Variants in GSTCD observed in about 807,000 individuals in gnomAD.
GSTCD encodes the protein glutathione S-transferase C-terminal domain containing.
Under a neutral mutation model 68.3 loss-of-function variants are expected in GSTCD, and 44 were observed. The observed-to-expected ratio is 0.64, with a 90% confidence interval of 0.51 to 0.83. The LOEUF is 0.83. GSTCD is among the 40% of genes least tolerant of loss of function. The pLI, the probability that GSTCD is intolerant of heterozygous loss-of-function variation, is 0.00. For missense variants in GSTCD, 739 were observed against 735.9 expected (o/e 1.00, Z -0.05); for synonymous variants, 273 against 255.2 (o/e 1.07, Z -0.67).
Position 105,717,807 on chromosome 4 carries a change from A to T in GSTCD, c.194A>T (p.Asp65Val), listed in dbSNP as rs1386104202. 1 of 1,614,018 alleles carries T rather than the reference A, an allele frequency of 6.2e-7. No homozygotes were observed. The highest frequency in any genetic ancestry group is 8.5e-7 in the Non-Finnish European group (1 of 1,179,888). The change falls in exon 2 of 12, where the codon GAT becomes GTT. Residue 65 changes from aspartate to valine, a missense_variant. By Grantham distance (152) the Asp-to-Val change is radical. Coordinates refer to ENST00000515279, the MANE Select transcript of GSTCD (RefSeq NM_001370181.1). ...AGTAGAGATAGTTCACTACTAAGAG[A>T]TGACCTGATCCAGGATGTTGAAATA... The part of the protein sequence containing the change: ...EVSRDSSLLR[D>V]DLIQDVEIQI...
intron 3 of GSTCD, among the ~76,000 whole-genome samples, chr4:105,724,731 A>C (rs887977547): frequency 6.6e-6 from 1 of 151,984 alleles, no homozygotes; most frequent in Non-Finnish European, 1.5e-5. Context: ...AAAATACATC[A>C]ATGATTGCAG....
intron 10 of GSTCD, among the ~76,000 whole-genome samples, chr4:105,839,070 C>G (rs1199763015): frequency 1.3e-5 from 2 of 152,172 alleles, no homozygotes; most frequent in African/African-American, 4.8e-5. Context: ...TCTCTTACCA[C>G]CTTATGTGCT....
At chr4:105,815,053 A>T (rs939789614) in intron 5 of GSTCD, 9 of 152,056 alleles carry the variant, frequency 5.9e-5, no homozygotes, top group African/African-American at 1.7e-4. Context: ...GCCCTAATAG[A>T]TGCTATTCAA....
intron 5 of GSTCD, among the ~76,000 whole-genome samples, chr4:105,785,901 A>G (rs1284331117): frequency 6.6e-6 from 1 of 152,218 alleles, no homozygotes; most frequent in African/African-American, 2.4e-5. Flanking sequence ...AAGTTTACCA[A>G]TATTGCAGAA....
At chr4:105,798,941 G>C (rs537400539) in intron 5 of GSTCD, among the ~76,000 whole-genome samples, 1 of 152,300 alleles carries the variant, frequency 6.6e-6, no homozygotes, top group Admixed American at 6.5e-5. Flanking sequence ...TTCTGATAGA[G>C]GGCTAGTTTA....
Position 105,734,359 on chromosome 4 carries a change from C to G in GSTCD, c.1240+4860C>G, listed in dbSNP as rs531354862. On this transcript the variant is annotated intron_variant, in intron 5 of 11. Transcript: ENST00000515279. ...TGGATTTGGTCTTTTCACATAGTCC[C>G]ATATTTCTTGGAGGCTTTGTTCATT... Among the ~76,000 whole-genome samples the G allele has an allele frequency of 3.3e-5, 5 of 152,312 alleles. No individual in the cohort carries two copies. The South Asian group carries it at 6.2e-4, about 19-fold the overall frequency.
intron 5 of GSTCD, among the ~76,000 whole-genome samples, chr4:105,771,120 C>T (rs1001259681): frequency 1.3e-5 from 2 of 152,082 alleles, no homozygotes; most frequent in South Asian, 2.1e-4. Flanking sequence ...CTCTAACGAA[C>T]AGTGATGATG....
chr4:105,720,986 T>C (rs1437443999), intron 3 of GSTCD, among the ~76,000 whole-genome samples: 1 of 152,144 alleles, frequency 6.6e-6, no homozygotes, highest in East Asian at 1.9e-4. Context: ...TTTTCTTTTT[T>C]TTTTGAGATG....
In GSTCD at chr4:105,717,710, G is replaced by GTTCA; in HGVS notation, c.98_99insTCAT (p.Thr34HisfsTer10). On this transcript the variant is annotated frameshift_variant, in exon 2 of 12. Coordinates refer to ENST00000515279, the MANE Select transcript of GSTCD (RefSeq NM_001370181.1). LOFTEE classifies it high-confidence loss of function. ...ATGCATCTTTCCTCTTCATACATCT[G>GTTCA]TAACTTTATTTCTGTTATCTTACTG... 1 of 1,613,424 alleles carries GTTCA rather than the reference G, an allele frequency of 6.2e-7. No individual in the cohort carries two copies. The highest frequency in any genetic ancestry group is 8.5e-7 in the Non-Finnish European group (1 of 1,179,482).
intron 5 of GSTCD, among the ~76,000 whole-genome samples, chr4:105,778,167 C>T (rs1291618544): frequency 6.6e-6 from 1 of 152,108 alleles, no homozygotes; most frequent in Non-Finnish European, 1.5e-5. Flanking sequence ...GTCAGCTAAG[C>T]TTTACATTAA....
chr4:105,835,709 T>G (rs536953703), intron 9 of GSTCD, among the ~76,000 whole-genome samples: 5 of 152,178 alleles, frequency 3.3e-5, no homozygotes, highest in Non-Finnish European at 7.3e-5. Context: ...ATGTGAGCCC[T>G]GTTTGTGTTA....
At chr4:105,767,647 A>G (rs1404898345) in intron 5 of GSTCD, among the ~76,000 whole-genome samples, 2 of 152,178 alleles carry the variant, frequency 1.3e-5, no homozygotes, top group Non-Finnish European at 2.9e-5. Context: ...GAAGACAGAA[A>G]ACCGTTTAAC....
chr4:105,728,701 A>ATAGATATAGATATAGATG (rs1733127067), intron 4 of GSTCD, among the ~76,000 whole-genome samples: 1 of 151,656 alleles, frequency 6.6e-6, no homozygotes, highest in Non-Finnish European at 1.5e-5. Context: ...AGATATAGAT[A>ATAGATATAGATATAGATG]TAGATATAGA....
Position 105,834,589 on chromosome 4 carries a change from A to G in GSTCD, c.1659A>G (p.Pro553=). The G allele has an allele frequency of 5.0e-6, 8 of 1,613,746 alleles. No individual in the cohort carries two copies. The highest frequency in any genetic ancestry group is 3.3e-4 in the Middle Eastern group (2 of 6,062). Residue 553 remains proline, a synonymous_variant, in exon 9 of 12, where the codon CCA becomes CCG. Coordinates refer to ENST00000515279, the MANE Select transcript of GSTCD (RefSeq NM_001370181.1). Reference sequence around the variant, plus strand: ...AGAACACCTCAAAGTTCAATTTTCCAAAAAGGTGAGAAATTCAGTGTTCTA... The same window carrying G: ...AGAACACCTCAAAGTTCAATTTTCCGAAAAGGTGAGAAATTCAGTGTTCTA... The part of the protein sequence containing the change: ...FIQNTSKFNF[P]KSEQFKKTLS...
intron 5 of GSTCD, among the ~76,000 whole-genome samples, chr4:105,764,563 A>G (rs765624185): frequency 6.6e-6 from 1 of 152,190 alleles, no homozygotes; most frequent in African/African-American, 2.4e-5. Context: ...TGGCTTGCAG[A>G]TGGCCACCAT....
chr4:105,737,317 C>T (rs1017609157), intron 5 of GSTCD, among the ~76,000 whole-genome samples: 1 of 152,108 alleles, frequency 6.6e-6, no homozygotes, highest in Non-Finnish European at 1.5e-5. Context: ...TTTGCATTTT[C>T]CTGATGACTA....
chr4:105,721,215 G>A (rs754486663), intron 3 of GSTCD, among the ~76,000 whole-genome samples: 4 of 151,882 alleles, frequency 2.6e-5, no homozygotes, highest in Non-Finnish European at 5.9e-5. Flanking sequence ...CTTGTGATCC[G>A]CCCACCTCAT....
At chr4:105,733,997 G>A (rs1733355548) in intron 5 of GSTCD, among the ~76,000 whole-genome samples, 1 of 152,134 alleles carries the variant, frequency 6.6e-6, no homozygotes. Flanking sequence ...TTTTCTTTAA[G>A]AATGTTGAAT....
intron 5 of GSTCD, among the ~76,000 whole-genome samples, chr4:105,770,124 GA>G (rs1272378735): frequency 6.6e-6 from 1 of 152,208 alleles, no homozygotes; most frequent in Non-Finnish European, 1.5e-5. Flanking sequence ...ATTGGCAGAA[GA>G]AAAAGCTTGC....
Sources: allele counts gnomAD v4.1 joint callset (sites outside exome capture counted in the v4.1 genomes callset), GRCh38; gene constraint gnomAD v4.1.1; transcripts MANE v1.5; gene names NCBI Gene and HGNC (gene_info 2026-07-23, HGNC 2026-07-21).